Variants in NEK4 observed in about 807,000 individuals in gnomAD.
NEK4 encodes the protein NIMA related kinase 4.
Under a neutral mutation model 98.4 loss-of-function variants are expected in NEK4, and 86 were observed. The ratio of observed to expected loss-of-function variants is 0.87; its 90% CI spans 0.73 to 1.05. NEK4 has a LOEUF of 1.05. Among genes scored for constraint, NEK4 ranks in the 50% least tolerant of loss-of-function variants. The probability of loss-of-function intolerance (pLI) is 0.00; values close to 1 mark genes in which losing one functional copy is unlikely to be tolerated. For missense variants in NEK4, 898 were observed against 950.3 expected, an observed-to-expected ratio of 0.94 and a Z score of 0.72; for synonymous variants, 328 against 342.2, an observed-to-expected ratio of 0.96 and a Z score of 0.46.
intron 6 of NEK4, among the ~76,000 whole-genome samples, chr3:52,755,595 G>T (rs1322251746): frequency 6.6e-6 from 1 of 152,004 alleles, no homozygotes; most frequent in Non-Finnish European, 1.5e-5. Context: ...ATTTAATGGT[G>T]AAAGACTGAA....
At chr3:52,728,656 C>G (rs143815561) in intron 15 of NEK4, among the ~76,000 whole-genome samples, 5,956 of 152,214 alleles carry the variant, frequency 0.039, 158 homozygotes, top group Non-Finnish European at 0.056. Context: ...GGGAAGACAA[C>G]CATAAGGTCT....
intron 14 of NEK4, 88 bp from the exon 15 acceptor site, chr3:52,737,807 TATTTTATTTATTTA>T: frequency 1.1e-6 from 1 of 937,052 alleles, no homozygotes; most frequent in Non-Finnish European, 1.5e-6. Context: ...TTTTGTATTT[TATTTTATTTATTTA>T]TTTTATTTTT....
intron 10 of NEK4, among the ~76,000 whole-genome samples, chr3:52,745,119 C>A (rs1371712242): frequency 6.6e-6 from 1 of 151,872 alleles, no homozygotes; most frequent in Non-Finnish European, 1.5e-5. Context: ...TGGGGTTTCA[C>A]TGTGTTAGCC....
At chr3:52,734,240 T>A (rs917247531) in intron 15 of NEK4, among the ~76,000 whole-genome samples, 2 of 150,482 alleles carry the variant, frequency 1.3e-5, no homozygotes, top group African/African-American at 4.9e-5. Context: ...AGGTCAGGAG[T>A]TCAAGACCAG....
At position 52,769,389 on chromosome 3, in the gene NEK4, C is replaced by T. The variant is rs142837892; in HGVS notation, c.94-785G>A. ...AAGTTTAATAGTCACTGATCTTCAG[C>T]ATACAAAATTATTCACACTTAAAAG... On this transcript the variant is annotated intron_variant, in intron 1 of 15. Transcript: ENST00000233027. Among the ~76,000 whole-genome samples the T allele has an allele frequency of 5.4e-3, 829 of 152,286 alleles. 13 individuals carry two copies. The South Asian group carries it at 0.066, about 12-fold the overall frequency.
At chr3:52,728,455 A>C (rs2097366552) in intron 15 of NEK4, among the ~76,000 whole-genome samples, 1 of 152,224 alleles carries the variant, frequency 6.6e-6, no homozygotes, top group African/African-American at 2.4e-5. Flanking sequence ...ATACTTTTAT[A>C]ATTTCTTACC....
At position 52,760,946 on chromosome 3, in the gene NEK4, GAAGAA is replaced by G; in HGVS notation, c.822-15_822-11del. ...ATTTTTGGAGGTTTTTCTTTATAAAGAAGAAAAGAAAGAGTTATTATCAATATACT... is the reference window on the plus strand; with the variant it reads ...ATTTTTGGAGGTTTTTCTTTATAAAGAAGAAAGAGTTATTATCAATATACT... On this transcript the variant is annotated splice_polypyrimidine_tract_variant and intron_variant, in intron 5 of 15. Transcript: ENST00000233027. 1 of 1,533,136 alleles carries G rather than the reference GAAGAA, an allele frequency of 6.5e-7. No individual in the cohort carries two copies. Among genetic ancestry groups the G allele is most frequent in the Non-Finnish European group, 8.9e-7 (1 of 1,120,392 alleles). 95.0% of individuals were successfully genotyped at this position (1,533,136 alleles called of 1,614,324 possible). A position where few individuals can be genotyped will look rare whatever the true frequency, so the allele number is the denominator to read the frequency against.
intron 1 of NEK4, among the ~76,000 whole-genome samples, chr3:52,770,306 T>C (rs1425810752): frequency 6.6e-6 from 1 of 151,920 alleles, no homozygotes; most frequent in Non-Finnish European, 1.5e-5. Flanking sequence ...TGATACCGGC[T>C]CTCATGAGAG....
At position 52,752,198 on chromosome 3, in the gene NEK4, C is replaced by T. The variant is rs574702003; in HGVS notation, c.1102G>A (p.Asp368Asn). 2.5e-6 allele frequency: 4 copies of T among 1,614,034 alleles called. No individual in the cohort carries two copies. The highest frequency in any genetic ancestry group is 3.4e-6 in the Non-Finnish European group (4 of 1,180,038). ...ELATISSVNI[D>N]ILPAKGRDSV... is the part of the protein sequence containing the mutation. ...TCCCTCCCTTTTGCAGGTAAGATGT[C>T]AATATTTACGCTACTGATTGTGGCT... The change falls in exon 7 of 16, where the codon GAC (aspartate) becomes AAC (asparagine). Residue 368 changes from aspartate (D) to asparagine (N), a missense_variant. Asp to Asn is a conservative substitution (Grantham distance 23). Transcript: ENST00000233027.
At chr3:52,735,465 C>A (rs2154103198) in intron 15 of NEK4, among the ~76,000 whole-genome samples, 1 of 152,290 alleles carries the variant, frequency 6.6e-6, no homozygotes, top group East Asian at 1.9e-4. Context: ...ATTATAAGTT[C>A]TTGGATAAGC....
At chr3:52,729,950 A>G (rs1424249882) in intron 15 of NEK4, among the ~76,000 whole-genome samples, 2 of 151,800 alleles carry the variant, frequency 1.3e-5, no homozygotes, top group East Asian at 3.9e-4. Context: ...TCTACTAAAA[A>G]TGCAAAAATT....
chr3:52,747,649 T>C (rs917104850), intron 8 of NEK4, among the ~76,000 whole-genome samples: 1 of 151,738 alleles, frequency 6.6e-6, no homozygotes, highest in African/African-American at 2.4e-5. Flanking sequence ...AAATTGTAAA[T>C]GAAAATGAGA....
At chr3:52,758,545 C>T (rs998327111) in intron 6 of NEK4, among the ~76,000 whole-genome samples, 3 of 151,350 alleles carry the variant, frequency 2.0e-5, no homozygotes, top group African/African-American at 7.3e-5. Context: ...GGATTCTTAG[C>T]TATGACAACA....
At chr3:52,765,773 C>A (rs1216417585) in intron 4 of NEK4, 114 bp downstream of exon 4, 1 of 674,702 alleles carries the variant, frequency 1.5e-6, no homozygotes, top group Non-Finnish European at 2.6e-6. Context: ...AACTATCAAC[C>A]CAATCTCAAT....
At chr3:52,714,752 C>T (rs2097353551) in intron 15 of NEK4, among the ~76,000 whole-genome samples, 3 of 152,214 alleles carry the variant, frequency 2.0e-5, no homozygotes. Context: ...CAACTGCCCC[C>T]GCAGGCTCGG....
intron 6 of NEK4, among the ~76,000 whole-genome samples, chr3:52,756,948 T>C (rs77585746): frequency 0.014 from 2,081 of 152,244 alleles, 66 homozygotes; most frequent in African/African-American, 0.048. Context: ...AGGATTTGAA[T>C]AGACGCTCCT....
chr3:52,728,849 G>A (rs1333656576), intron 15 of NEK4, among the ~76,000 whole-genome samples: 3 of 152,190 alleles, frequency 2.0e-5, no homozygotes, highest in African/African-American at 7.2e-5. Flanking sequence ...CTCTGGGAGT[G>A]TCTGTCTTAT....
chr3:52,764,297 A>G lies in NEK4; in HGVS notation c.667-673T>C, dbSNP rs182469706. ...CGAGACTCTGTCTCAAAAAAAAAAA[A>G]AAAGAAAGAAAAGAAACGAAACTAG... On this transcript the variant is annotated intron_variant, in intron 4 of 15. Coordinates refer to ENST00000233027, the MANE Select transcript of NEK4 (RefSeq NM_003157.6). Among the ~76,000 whole-genome samples the G allele has an allele frequency of 1.1e-3, 166 of 151,622 alleles. 1 individual carries two copies. Among genetic ancestry groups the G allele is most frequent in the Non-Finnish European group, 2.9e-4 (20 of 67,918 alleles).
intron 15 of NEK4, among the ~76,000 whole-genome samples, chr3:52,732,216 A>G (rs932045401): frequency 2.0e-5 from 3 of 151,924 alleles, no homozygotes; most frequent in Admixed American, 6.6e-5. Flanking sequence ...TCTTTTTGAG[A>G]CACAGTCTCT....
Sources: allele counts gnomAD v4.1 joint callset (sites outside exome capture counted in the v4.1 genomes callset), GRCh38; gene constraint gnomAD v4.1.1; transcripts MANE v1.5; gene names NCBI Gene and HGNC (gene_info 2026-07-23, HGNC 2026-07-21).